MFHAS1: variants seen among roughly 807,000 people sequenced by gnomAD.
MFHAS1 encodes multifunctional ROCO family signaling regulator 1.
Under a neutral mutation model 70.4 loss-of-function variants are expected in MFHAS1, and 50 were observed. The ratio of observed to expected loss-of-function variants is 0.71; its 90% CI spans 0.57 to 0.90. MFHAS1 has a LOEUF of 0.90. MFHAS1 is among the 40% of genes least tolerant of loss of function. The pLI, the probability that MFHAS1 is intolerant of heterozygous loss-of-function variation, is 0.00. For synonymous variants in MFHAS1, 952 were observed against 620.0 expected, an observed-to-expected ratio of 1.54 and a Z score of -7.96; for missense variants, 1,795 against 1,347.6, an observed-to-expected ratio of 1.33 and a Z score of -5.20.
intron 1 of MFHAS1, among the ~76,000 whole-genome samples, chr8:8,829,521 A>G (rs1807289176): frequency 6.6e-6 from 1 of 152,134 alleles, no homozygotes; most frequent in East Asian, 1.9e-4. Flanking sequence ...TCTCTACTAA[A>G]AATACAAAAA....
At chr8:8,879,917 T>G (rs1952389541) in intron 1 of MFHAS1, among the ~76,000 whole-genome samples, 1 of 152,214 alleles carries the variant, frequency 6.6e-6, no homozygotes, top group Non-Finnish European at 1.5e-5. Context: ...CTACCTTCAT[T>G]AGGTCTTGCC....
intron 1 of MFHAS1, among the ~76,000 whole-genome samples, chr8:8,870,290 CAAAAA>C (rs61229252): frequency 3.5e-5 from 4 of 113,118 alleles, no homozygotes; most frequent in African/African-American, 1.5e-4. Flanking sequence ...CCTGTCTCTA[CAAAAA>C]AAAAAAAAAA....
chr8:8,845,814 C>A (rs760439423), intron 1 of MFHAS1, among the ~76,000 whole-genome samples: 2 of 152,176 alleles, frequency 1.3e-5, no homozygotes, highest in African/African-American at 4.8e-5. Flanking sequence ...CCCACAAAAT[C>A]TGCTCCTCTC....
At chr8:8,878,483 T>C (rs1809381367) in intron 1 of MFHAS1, among the ~76,000 whole-genome samples, 1 of 152,140 alleles carries the variant, frequency 6.6e-6, no homozygotes, top group Non-Finnish European at 1.5e-5. Flanking sequence ...CCTCTTCTAT[T>C]TTTCTCCAAA....
Position 8,891,684 on chromosome 8 carries a change from C to G in MFHAS1, c.1375G>C (p.Glu459Gln). ...GCATCGGCCGTCCAGCTGGTCACCT[C>G]GATGCCCTTGCTCACAGGGGGAGGT... Reference protein sequence around the residue: ...PSPPPVSKGIEVTSWTADASR... With the variant: ...PSPPPVSKGIQVTSWTADASR... The change falls in exon 1 of 3, where the codon GAG (glutamate) becomes CAG (glutamine). Residue 459 changes from glutamate (E) to glutamine (Q), a missense_variant. Transcript: ENST00000276282. This position sits in a 1 kb window ranked among gnomAD's most constrained non-coding sequence, Gnocchi z 5.4. The G allele has an allele frequency of 6.2e-7, 1 of 1,613,580 alleles. No homozygotes were observed. The highest frequency in any genetic ancestry group is 8.5e-7 in the Non-Finnish European group (1 of 1,180,028).
intron 1 of MFHAS1, among the ~76,000 whole-genome samples, chr8:8,820,315 G>A (rs1806905770): frequency 6.6e-6 from 1 of 151,558 alleles, no homozygotes; most frequent in Non-Finnish European, 1.5e-5. Flanking sequence ...TTAGACTGCT[G>A]TGTGCCCTTC....
At chr8:8,803,028 C>A (rs6994038) in intron 1 of MFHAS1, among the ~76,000 whole-genome samples, 65,756 of 151,998 alleles carry the variant, frequency 0.43, 15,865 homozygotes, top group East Asian at 0.78. Context: ...CAGGTATATT[C>A]TACCACTAAG....
chr8:8,791,505 A>G (rs1264080240), intron 2 of MFHAS1, among the ~76,000 whole-genome samples: 2 of 152,144 alleles, frequency 1.3e-5, no homozygotes, highest in African/African-American at 4.8e-5. Context: ...TTTGCTCTAA[A>G]GCTCTTTAGA....
intron 1 of MFHAS1, among the ~76,000 whole-genome samples, chr8:8,813,091 T>C (rs904011649): frequency 2.0e-5 from 3 of 152,166 alleles, no homozygotes; most frequent in African/African-American, 4.8e-5. Context: ...TTTCGAGCAA[T>C]GGTAGACCCC....
intron 2 of MFHAS1, 64 bp downstream of exon 2, chr8:8,797,301 G>T: frequency 6.3e-7 from 1 of 1,580,768 alleles, no homozygotes. Flanking sequence ...GATTTTTGTG[G>T]TCATATCTAT....
rs753605907 is a variant in MFHAS1, at chr8:8,890,447, G to A, written c.2612C>T (p.Ala871Val). The change falls in exon 1 of 3, where the codon GCT becomes GTT. Residue 871 changes from alanine (A) to valine (V), a missense_variant. Coordinates refer to ENST00000276282, the MANE Select transcript of MFHAS1 (RefSeq NM_004225.3). Reference sequence around the variant, plus strand: ...CTGCTCAGCCACAAAAGACTGCCCAGCTAGGTTGGTCCCATTAATCCAGGC... The same window carrying A: ...CTGCTCAGCCACAAAAGACTGCCCAACTAGGTTGGTCCCATTAATCCAGGC... ...AEAWINGTNL[A>V]GQSFVAEQLQ... The A allele has an allele frequency of 2.3e-5, 37 of 1,613,896 alleles. No individual in the cohort carries two copies. Among genetic ancestry groups the A allele is most frequent in the Non-Finnish European group, 3.1e-5 (36 of 1,180,038 alleles).
At chr8:8,845,055 A>C (rs79793956) in intron 1 of MFHAS1, among the ~76,000 whole-genome samples, 1 of 152,188 alleles carries the variant, frequency 6.6e-6, no homozygotes, top group Non-Finnish European at 1.5e-5. Context: ...TTAAGATACA[A>C]CTACCCTCAG....
At chr8:8,871,573 G>A (rs912878101) in intron 1 of MFHAS1, among the ~76,000 whole-genome samples, 2 of 152,102 alleles carry the variant, frequency 1.3e-5, no homozygotes, top group Admixed American at 6.6e-5. Flanking sequence ...AACTACTTGG[G>A]GACTTGACAT....
chr8:8,863,055 T>C (rs1808726022), intron 1 of MFHAS1, among the ~76,000 whole-genome samples: 1 of 152,236 alleles, frequency 6.6e-6, no homozygotes, highest in Non-Finnish European at 1.5e-5. Context: ...AGGTTCATTT[T>C]TATTAATACA....
At position 8,890,497 on chromosome 8, in the gene MFHAS1, C is replaced by T; in HGVS notation, c.2562G>A (p.Val854=). The T allele has an allele frequency of 1.9e-6, 3 of 1,613,748 alleles. No individual in the cohort carries two copies. Among genetic ancestry groups the T allele is most frequent in the Non-Finnish European group, 2.5e-6 (3 of 1,180,050 alleles). The stretch of plus-strand genomic sequence containing the variant: ...CTTCTGCATGGGGCACCTCGTTCTG[C>T]ACATAGCATGGGAACTTGTACCAAG... ...STAWYKFPCY[V]QNEVPHAEAW... Residue 854 remains valine (V), a synonymous_variant, in exon 1 of 3, where the codon GTG becomes GTA. Coordinates refer to ENST00000276282, the MANE Select transcript of MFHAS1 (RefSeq NM_004225.3).
chr8:8,807,644 G>A (rs1307979652), intron 1 of MFHAS1, among the ~76,000 whole-genome samples: 6 of 152,084 alleles, frequency 3.9e-5, no homozygotes, highest in South Asian at 2.1e-4. Context: ...GAAGGCATTC[G>A]CGTGGATGGC....
At chr8:8,819,608 CAAAAA>C (rs201326485) in intron 1 of MFHAS1, among the ~76,000 whole-genome samples, 2 of 91,260 alleles carry the variant, frequency 2.2e-5, no homozygotes, top group Non-Finnish European at 4.5e-5. Flanking sequence ...CAACTCAAAA[CAAAAA>C]AAAAAAAAAA....
chr8:8,866,532 G>A (rs887288465), intron 1 of MFHAS1, among the ~76,000 whole-genome samples: 3 of 151,928 alleles, frequency 2.0e-5, no homozygotes, highest in Non-Finnish European at 2.9e-5. Context: ...TGCCCAGGCT[G>A]GTCTTCAACT....
intron 1 of MFHAS1, among the ~76,000 whole-genome samples, chr8:8,846,372 AAGG>A (rs113209198): frequency 6.8e-6 from 1 of 147,658 alleles, no homozygotes; most frequent in Non-Finnish European, 1.5e-5. Flanking sequence ...GGAGAAGGAG[AAGG>A]AGAAGAAAAT....
Sources: allele counts gnomAD v4.1 joint callset (sites outside exome capture counted in the v4.1 genomes callset), GRCh38; gene constraint gnomAD v4.1.1; non-coding constraint Gnocchi (gnomAD v3.1); transcripts MANE v1.5; gene names NCBI Gene and HGNC (gene_info 2026-07-23, HGNC 2026-07-21).